The following CHIC2 variants were observed in gnomAD, a reference collection of about 807,000 sequenced individuals.
CHIC2 encodes cysteine-rich hydrophobic domain-containing protein 2.
In CHIC2, 14 loss-of-function variants were observed where a neutral mutation model predicts 25.9. The observed-to-expected ratio is 0.54, with a 90% CI of 0.36 to 0.85. The LOEUF (loss-of-function observed/expected upper bound fraction) is 0.85. CHIC2 is among the 40% of genes least tolerant of loss of function. The probability of loss-of-function intolerance (pLI) is 0.01; values close to 1 mark genes in which losing one functional copy is unlikely to be tolerated. For missense variants in CHIC2, 146 were observed against 202.0 expected (o/e 0.72, Z 1.68); for synonymous variants, 70 against 72.0 (o/e 0.97, Z 0.14).
At chr4:54,036,938 C>A (rs1398352536) in intron 3 of CHIC2, among the ~76,000 whole-genome samples, 1 of 151,060 alleles carries the variant, frequency 6.6e-6, no homozygotes, top group Non-Finnish European at 1.5e-5. Flanking sequence ...TTTATACAGA[C>A]CAAAATGTCC....
At chr4:54,070,952 A>G in the CHIC2 span, among the ~76,000 whole-genome samples, 3 of 152,146 alleles carry the variant, frequency 2.0e-5, no homozygotes, top group Non-Finnish European at 4.4e-5. Context: ...TTGTGCCCCA[A>G]CCTTAGAGTT....
rs1162725997 is a variant in CHIC2 at position 54,009,977 on chromosome 4, CAAAAA to C, written c.*113_*117del. On this transcript the variant is annotated 3_prime_UTR_variant, in exon 6 of 6. Transcript: ENST00000263921. Reference sequence around the variant, plus strand: ...TTTAAAAAAAAAACAAAAACAAAAACAAAAAAAACACCACACGATTCTGTAGAACC... The same window carrying C: ...TTTAAAAAAAAAACAAAAACAAAAACAAACACCACACGATTCTGTAGAACC... 4.3e-6 allele frequency: 2 copies of C among 465,940 alleles called. No individual in the cohort carries two copies. The highest frequency in any genetic ancestry group is 4.5e-5 in the African/African-American group (2 of 44,632). 28.9% of individuals were successfully genotyped at this position (465,940 alleles called of 1,614,324 possible).
chr4:54,018,000 T>C (rs928258287), intron 3 of CHIC2, among the ~76,000 whole-genome samples: 11 of 152,288 alleles, frequency 7.2e-5, no homozygotes, highest in South Asian at 2.1e-4. Context: ...CAGACTTAAG[T>C]TGAGCAACAA....
intron 1 of CHIC2, among the ~76,000 whole-genome samples, chr4:54,058,829 T>A (rs1717252065): frequency 6.6e-6 from 1 of 152,124 alleles, no homozygotes; most frequent in Non-Finnish European, 1.5e-5. Flanking sequence ...TGCTTTAGAG[T>A]AATATTATTT....
intron 5 of CHIC2, among the ~76,000 whole-genome samples, chr4:54,011,958 C>A (rs1715607297): frequency 6.6e-6 from 1 of 151,812 alleles, no homozygotes; most frequent in Non-Finnish European, 1.5e-5. Context: ...GTTAAAAAGG[C>A]CCAAATTCAT....
intron 1 of CHIC2, among the ~76,000 whole-genome samples, chr4:54,055,360 A>G (rs538107110): frequency 6.6e-6 from 1 of 151,798 alleles, no homozygotes; most frequent in Non-Finnish European, 1.5e-5. Flanking sequence ...AATTTTGAAG[A>G]CAGAGCCAAG....
At chr4:54,015,849 T>G (rs545887431) in intron 3 of CHIC2, among the ~76,000 whole-genome samples, 1 of 152,196 alleles carries the variant, frequency 6.6e-6, no homozygotes, top group Non-Finnish European at 1.5e-5. Flanking sequence ...GGCTGACCTC[T>G]CAAACCGCCT....
At chr4:54,035,021 T>C (rs1397071772) in intron 3 of CHIC2, among the ~76,000 whole-genome samples, 5 of 152,258 alleles carry the variant, frequency 3.3e-5, no homozygotes, top group Admixed American at 2.6e-4. Context: ...TTTAGAAATA[T>C]GTTGAGTTAC....
At chr4:54,089,689 A>G in the CHIC2 span, among the ~76,000 whole-genome samples, 3 of 152,196 alleles carry the variant, frequency 2.0e-5, no homozygotes, top group African/African-American at 4.8e-5. Context: ...AAAGCTGCCT[A>G]AAAGAATATT....
intron 3 of CHIC2, among the ~76,000 whole-genome samples, chr4:54,034,617 G>C (rs569582179): frequency 3.3e-5 from 5 of 151,986 alleles, no homozygotes; most frequent in Admixed American, 6.6e-5. Flanking sequence ...ATAGGGTATA[G>C]CTTTGCTAAA....
At chr4:54,068,955 A>G (rs1717568368), upstream of CHIC2, among the ~76,000 whole-genome samples, 1 of 152,236 alleles carries the variant, frequency 6.6e-6, no homozygotes. Context: ...ACTCGGGGAA[A>G]CAGGTTTACC....
intron 1 of CHIC2, among the ~76,000 whole-genome samples, chr4:54,052,606 T>C (rs776355660): frequency 1.3e-5 from 2 of 152,166 alleles, no homozygotes; most frequent in Non-Finnish European, 2.9e-5. Flanking sequence ...CCAAACATTC[T>C]ACTAATCCAA....
In CHIC2 at chr4:54,064,521, C is replaced by G. The variant is rs936917901; in HGVS notation, c.-221G>C. The stretch of plus-strand genomic sequence containing the variant: ...ATTACCATCAGCAATAACAACAACA[C>G]AATGTCAACATCCGCCCAGAGGCCG... On this transcript the variant is annotated 5_prime_UTR_variant, in exon 1 of 6. Transcript: ENST00000263921. The surrounding 1 kb of genome is among the most constrained non-coding windows in gnomAD (Gnocchi z 4.2). 1 of 1,408,222 alleles carries G rather than the reference C, an allele frequency of 7.1e-7. No individual in the cohort carries two copies. 87.2% of individuals were successfully genotyped at this position (1,408,222 alleles called of 1,614,324 possible). A position where few individuals can be genotyped will look rare whatever the true frequency, so the allele number is the denominator to read the frequency against.
At chr4:54,074,628 ACACTGG>A in the CHIC2 span, among the ~76,000 whole-genome samples, 1 of 148,854 alleles carries the variant, frequency 6.7e-6, no homozygotes, top group Non-Finnish European at 1.5e-5. Context: ...ACACACACAC[ACACTGG>A]CCTTACTATG....
At chr4:54,039,068 C>T (rs1369321863) in intron 3 of CHIC2, among the ~76,000 whole-genome samples, 3 of 142,606 alleles carry the variant, frequency 2.1e-5, no homozygotes, top group African/African-American at 5.1e-5. Flanking sequence ...AAGTGATATG[C>T]AAAAAAAAAA....
intron 3 of CHIC2, among the ~76,000 whole-genome samples, chr4:54,030,023 T>C (rs1010075649): frequency 6.6e-6 from 1 of 152,214 alleles, no homozygotes. Context: ...AGAGCAAAGA[T>C]ATTCAGAAGA....
chr4:54,020,660 G>A (rs1715869994), intron 3 of CHIC2, among the ~76,000 whole-genome samples: 1 of 152,102 alleles, frequency 6.6e-6, no homozygotes, highest in Non-Finnish European at 1.5e-5. Context: ...CGGGTAAGCG[G>A]TCTTTTCACT....
chr4:54,041,462 T>A lies in CHIC2; in HGVS notation c.330+7493A>T, dbSNP rs567938635. 5.9e-5 allele frequency among the ~76,000 whole-genome samples: 9 copies of A among 152,262 alleles called. No homozygotes were observed. In the East Asian group the frequency reaches 1.7e-3, roughly 29 times the overall value. On this transcript the variant is annotated intron_variant, in intron 3 of 5. Transcript: ENST00000263921. ...ACATCTTTTTAACCACTAACTGAAA[T>A]GTATTACATTTCCTTAGGTTATGAA...
chr4:54,055,159 A>G (rs558766780), intron 1 of CHIC2, among the ~76,000 whole-genome samples: 1 of 152,178 alleles, frequency 6.6e-6, no homozygotes, highest in Non-Finnish European at 1.5e-5. Context: ...TTTGTAATTT[A>G]GATGGATTCT....
Sources: gnomAD v4.1 joint callset for allele counts (sites outside exome capture counted in the v4.1 genomes callset) on GRCh38, gnomAD v4.1.1 for gene constraint, Gnocchi (gnomAD v3.1) non-coding constraint, MANE v1.5 for transcripts, NCBI Gene and HGNC (gene_info 2026-07-23, HGNC 2026-07-21) for gene names.